Variants in HMGB1 observed in about 807,000 individuals in gnomAD.
HMGB1 encodes the protein high mobility group box 1, also known as high mobility group protein B1.
For synonymous variants in HMGB1, 81 were observed against 84.0 expected, an observed-to-expected ratio of 0.96 and a Z score of 0.19; for missense variants, 79 against 253.5, an observed-to-expected ratio of 0.31 and a Z score of 4.67.
chr13:30,617,118 G>C (rs1056617597), exon 1 of HMGB1: 1 of 152,294 alleles, frequency 6.6e-6, no homozygotes, highest in Non-Finnish European at 1.5e-5. Flanking sequence ...AAACAAGGCA[G>C]GGCAGCTGGA....
intron 1 of HMGB1, among the ~76,000 whole-genome samples, chr13:30,545,438 G>T (rs1014732239): frequency 1.3e-5 from 2 of 151,120 alleles, no homozygotes; most frequent in Non-Finnish European, 3.0e-5. Flanking sequence ...GCATAGTTTT[G>T]TCAGAAAGGA....
chr13:30,604,125 CAA>C (rs1338555093), intron 1 of HMGB1, among the ~76,000 whole-genome samples: 3 of 122,788 alleles, frequency 2.4e-5, no homozygotes, highest in Non-Finnish European at 5.0e-5. Flanking sequence ...TCAATCTGCA[CAA>C]AGAGAAAAAG....
intron 1 of HMGB1, among the ~76,000 whole-genome samples, chr13:30,519,499 T>G (rs1486974188): frequency 6.8e-6 from 1 of 146,602 alleles, no homozygotes. Context: ...ATCGAGACCA[T>G]CCCGGCTAAC....
rs567390676 is a variant in HMGB1, at chr13:30,593,568, A to G, written c.-15+23103T>C. ...CCCATCTATAGAAACTTGAAAGACT[A>G]AAAACTATCTTACTCTAAACATTTT... On this transcript the variant is annotated intron_variant, in intron 1 of 4. Coordinates refer to the HMGB1 transcript ENST00000405805. Among the ~76,000 whole-genome samples the G allele has an allele frequency of 5.9e-5, 9 of 152,320 alleles. No homozygotes were observed. In the South Asian group the frequency reaches 1.0e-3, roughly 18 times the overall value.
chr13:30,586,479 GTTTTTTTTT>G (rs11315470), intron 1 of HMGB1, among the ~76,000 whole-genome samples: 2 of 105,070 alleles, frequency 1.9e-5, no homozygotes, highest in Admixed American at 2.4e-4. Flanking sequence ...GGTTTTTTTT[GTTTTTTTTT>G]TTTTTTTTTT....
chr13:30,476,401 A>C (rs574820497), intron 1 of HMGB1, among the ~76,000 whole-genome samples: 101 of 152,036 alleles, frequency 6.6e-4, no homozygotes, highest in African/African-American at 2.4e-3. Context: ...AGCCTCCCAA[A>C]GTGCTGGGAT....
intron 1 of HMGB1, chr13:30,465,136 C>A: frequency 2.1e-6 from 2 of 970,800 alleles, no homozygotes; most frequent in Non-Finnish European, 2.4e-6. Context: ...CCAGCAGCGC[C>A]GGGCCCGAGT....
chr13:30,467,475 G>C (rs183717065), upstream of HMGB1, among the ~76,000 whole-genome samples: 16 of 152,220 alleles, frequency 1.1e-4, no homozygotes, highest in Admixed American at 9.2e-4. Context: ...AGGGATTATA[G>C]TCTTGGTGAA....
intron 1 of HMGB1, among the ~76,000 whole-genome samples, chr13:30,499,670 C>G (rs1007700269): frequency 6.6e-6 from 1 of 152,166 alleles, no homozygotes; most frequent in Non-Finnish European, 1.5e-5. Context: ...TGTAGATTCC[C>G]TCTTCTTTAA....
At chr13:30,482,107 T>C (rs1887243553) in intron 1 of HMGB1, among the ~76,000 whole-genome samples, 1 of 152,238 alleles carries the variant, frequency 6.6e-6, no homozygotes, top group Non-Finnish European at 1.5e-5. Flanking sequence ...TTAAATGTGC[T>C]ACTGTAGACA....
intron 1 of HMGB1, among the ~76,000 whole-genome samples, 171 bp downstream of exon 1, chr13:30,465,625 C>T (rs1886738078): frequency 6.6e-6 from 1 of 151,276 alleles, no homozygotes. Context: ...GGCAGCGTTC[C>T]CGGCGCCCGG....
chr13:30,464,157 T>C, intron 1 of HMGB1: 4 of 952,838 alleles, frequency 4.2e-6, no homozygotes, highest in Non-Finnish European at 5.0e-6. Flanking sequence ...AAAAAAAAAA[T>C]CACCGTGCAC....
At chr13:30,501,726 G>A (rs9506317) in intron 1 of HMGB1, among the ~76,000 whole-genome samples, 72,847 of 151,828 alleles carry the variant, frequency 0.48, 19,019 homozygotes, top group South Asian at 0.57. Context: ...CTTAATATAC[G>A]TGCAAGTACA....
At chr13:30,483,087 C>T (rs953447138) in intron 1 of HMGB1, among the ~76,000 whole-genome samples, 3 of 152,118 alleles carry the variant, frequency 2.0e-5, no homozygotes, top group African/African-American at 7.2e-5. Context: ...GCCACCATGG[C>T]TGGTCCTTTA....
chr13:30,603,081 A>T (rs1950419214), intron 1 of HMGB1, among the ~76,000 whole-genome samples: 1 of 152,182 alleles, frequency 6.6e-6, no homozygotes. Flanking sequence ...TGTTAGGATT[A>T]CAGGTATAAG....
chr13:30,533,111 G>A (rs1888533645), intron 1 of HMGB1, among the ~76,000 whole-genome samples: 1 of 152,148 alleles, frequency 6.6e-6, no homozygotes, highest in South Asian at 2.1e-4. Context: ...TTTCCACCAT[G>A]AGACCCAGAT....
At chr13:30,466,083 A>C, upstream of HMGB1, 2 of 357,814 alleles carry the variant, frequency 5.6e-6, no homozygotes, top group Non-Finnish European at 7.8e-6. Flanking sequence ...CAGCGCGCAA[A>C]TCTGAATGTG....
chr13:30,613,950 T>G (rs1379918124), intron 1 of HMGB1, among the ~76,000 whole-genome samples: 1 of 151,350 alleles, frequency 6.6e-6, no homozygotes, highest in African/African-American at 2.4e-5. Flanking sequence ...TAATGGTACA[T>G]TATAAAATGG....
chr13:30,580,721 C>T (rs1477288164), intron 1 of HMGB1, among the ~76,000 whole-genome samples: 3 of 152,136 alleles, frequency 2.0e-5, no homozygotes, highest in Admixed American at 1.3e-4. Flanking sequence ...ACGTAACAGA[C>T]ATTTAATAAC....
Sources: allele counts gnomAD v4.1 joint callset (sites outside exome capture counted in the v4.1 genomes callset), GRCh38; gene constraint gnomAD v4.1.1; transcripts MANE v1.5; gene names NCBI Gene and HGNC (gene_info 2026-07-23, HGNC 2026-07-21).